NTRK3: variants seen among roughly 807,000 people sequenced by gnomAD.
NTRK3 encodes the protein neurotrophic receptor tyrosine kinase 3.
Under a neutral mutation model 91.7 loss-of-function variants are expected in NTRK3, and 24 were observed. The observed-to-expected ratio is 0.26, with a 90% CI of 0.19 to 0.37. NTRK3 has a LOEUF of 0.37. NTRK3 is among the 10% of genes least tolerant of loss of function. The pLI is 1.00. For synonymous variants in NTRK3, 483 were observed against 404.0 expected, an observed-to-expected ratio of 1.20 and a Z score of -2.34; for missense variants, 880 against 1,068.9, an observed-to-expected ratio of 0.82 and a Z score of 2.46.
rs377695213 is a variant in NTRK3, at chr15:88,159,061, C to T, written c.396-11658G>A. 1.5e-3 allele frequency among the ~76,000 whole-genome samples: 223 copies of T among 152,312 alleles called. 1 individual carries two copies. The highest frequency in any genetic ancestry group is 5.0e-3 in the African/African-American group (208 of 41,574). ...CTGCCCAGGGCGGGCACTGTCAGGGCTGGAGAAGCCAGGGTCCCCAAAGGC... is the reference window on the plus strand; with the variant it reads ...CTGCCCAGGGCGGGCACTGTCAGGGTTGGAGAAGCCAGGGTCCCCAAAGGC... On this transcript the variant is annotated intron_variant, in intron 5 of 18. Coordinates refer to ENST00000394480, the Ensembl canonical transcript of NTRK3.
chr15:87,899,458 C>A (rs2066323893), intron 17 of NTRK3, among the ~76,000 whole-genome samples: 1 of 150,576 alleles, frequency 6.6e-6, no homozygotes, highest in Non-Finnish European at 1.5e-5. Context: ...TCAGTCAGGA[C>A]ACACATTGCA....
intron 17 of NTRK3, chr15:87,916,604 A>G (rs2067464483): frequency 4.3e-6 from 3 of 702,102 alleles, no homozygotes; most frequent in East Asian, 2.7e-5. Context: ...AACTGCAGAG[A>G]GAAGAGACTA....
At chr15:88,088,849 T>C (rs2150733968) in intron 13 of NTRK3, among the ~76,000 whole-genome samples, 1 of 152,294 alleles carries the variant, frequency 6.6e-6, no homozygotes, top group South Asian at 2.1e-4. Context: ...TTCCCCGTTC[T>C]CCAGCTGTGT....
At chr15:88,099,755 C>G (rs905518037) in intron 13 of NTRK3, among the ~76,000 whole-genome samples, 1 of 152,112 alleles carries the variant, frequency 6.6e-6, no homozygotes, top group African/African-American at 2.4e-5. Context: ...TATTCTATGA[C>G]CACATTGACT....
At chr15:87,996,114 C>T (rs760908233) in intron 14 of NTRK3, among the ~76,000 whole-genome samples, 2 of 151,902 alleles carry the variant, frequency 1.3e-5, no homozygotes, top group East Asian at 3.9e-4. Context: ...CATGGTGGCA[C>T]GCACCTGTAA....
At position 88,137,211 on chromosome 15, in the gene NTRK3, C is replaced by T. The variant is rs1011389170; in HGVS notation, c.622+193G>A. Among the ~76,000 whole-genome samples, 3 of 152,132 alleles carry T rather than the reference C, an allele frequency of 2.0e-5. No homozygotes were observed. In the East Asian group the frequency reaches 5.8e-4, roughly 29 times the overall value. ...TCCTGAAACCAGTCTTCCTATGGCT[C>T]GTGCACAAAGGGACAGGAATGACCA... On this transcript the variant is annotated intron_variant, in intron 7 of 18. Coordinates refer to ENST00000394480, the Ensembl canonical transcript of NTRK3.
At chr15:88,004,190 C>G (rs2076323043) in intron 14 of NTRK3, among the ~76,000 whole-genome samples, 1 of 152,112 alleles carries the variant, frequency 6.6e-6, no homozygotes, top group Non-Finnish European at 1.5e-5. Flanking sequence ...TCACTATTCA[C>G]CTGATCTCTC....
At chr15:88,017,978 T>G (rs1567233967) in intron 14 of NTRK3, among the ~76,000 whole-genome samples, 1 of 152,196 alleles carries the variant, frequency 6.6e-6, no homozygotes, top group Non-Finnish European at 1.5e-5. Context: ...ATTCTAGGTC[T>G]GGGGACAGAA....
intron 3 of NTRK3, among the ~76,000 whole-genome samples, chr15:88,246,882 A>T (rs2052879518): frequency 6.6e-6 from 1 of 152,182 alleles, no homozygotes; most frequent in African/African-American, 2.4e-5. Context: ...GGCTCAGGAA[A>T]TGCTCTGAAA....
At chr15:87,869,362 G>A (rs559733531) in exon 19 of NTRK3, 23 of 228,936 alleles carry the variant, frequency 1.0e-4, no homozygotes, top group Non-Finnish European at 1.7e-4. Flanking sequence ...AATGAGCTTT[G>A]CAGTAAAATT....
intron 13 of NTRK3, among the ~76,000 whole-genome samples, chr15:88,058,374 T>C (rs549791613): frequency 6.6e-6 from 1 of 152,338 alleles, no homozygotes; most frequent in South Asian, 2.1e-4. Flanking sequence ...AGGATTGTTT[T>C]GAGGGTTAAA....
At chr15:87,952,996 T>G (rs542736885) in intron 14 of NTRK3, among the ~76,000 whole-genome samples, 1 of 152,234 alleles carries the variant, frequency 6.6e-6, no homozygotes, top group African/African-American at 2.4e-5. Flanking sequence ...AGCAGATTCG[T>G]TCCGCAAGGC....
intron 13 of NTRK3, among the ~76,000 whole-genome samples, chr15:88,091,145 C>T (rs112428464): frequency 6.6e-6 from 1 of 152,066 alleles, no homozygotes. Context: ...ATTGGGAACC[C>T]GTTTTACTAC....
intron 13 of NTRK3, among the ~76,000 whole-genome samples, chr15:88,121,445 C>T (rs2114252): frequency 2.2e-4 from 34 of 152,138 alleles, no homozygotes; most frequent in African/African-American, 8.2e-4. Flanking sequence ...AATACGGATA[C>T]AGGAGAGCCC....
At chr15:88,196,078 G>A (rs898416151) in intron 3 of NTRK3, among the ~76,000 whole-genome samples, 3 of 152,204 alleles carry the variant, frequency 2.0e-5, no homozygotes, top group Non-Finnish European at 4.4e-5. Context: ...ATTGCATAAA[G>A]ACTTATGAGG....
chr15:88,122,790 G>A (rs1436589695), intron 13 of NTRK3, among the ~76,000 whole-genome samples: 1 of 152,084 alleles, frequency 6.6e-6, no homozygotes, highest in Non-Finnish European at 1.5e-5. Context: ...AGACATCTCA[G>A]ATCTCCCAAT....
intron 16 of NTRK3, chr15:87,931,093 TC>T (rs1304318072): frequency 5.1e-6 from 2 of 393,240 alleles, no homozygotes; most frequent in African/African-American, 4.2e-5. Context: ...CTTCTTCCAC[TC>T]CTTATCTTTA....
chr15:87,862,737 A>G (rs1476810230), exon 19 of NTRK3: 1 of 229,692 alleles, frequency 4.4e-6, no homozygotes, highest in Non-Finnish European at 8.6e-6. Context: ...GGCCTGAAGA[A>G]TGCCACAAGG....
At chr15:87,870,007 T>C (rs1436000500) in exon 19 of NTRK3, 2 of 193,020 alleles carry the variant, frequency 1.0e-5, no homozygotes, top group Non-Finnish European at 2.2e-5. Context: ...TGTAAAAGAA[T>C]GTCAGTAATC....
Sources: allele counts gnomAD v4.1 joint callset (sites outside exome capture counted in the v4.1 genomes callset), GRCh38; gene constraint gnomAD v4.1.1; transcripts MANE v1.5; gene names NCBI Gene and HGNC (gene_info 2026-07-23, HGNC 2026-07-21).